ZNF804B: variants seen among roughly 807,000 people sequenced by gnomAD.
The protein encoded by ZNF804B is zinc finger 804B.
ZNF804B carries 80 observed loss-of-function variants against 101.4 expected under a neutral mutation model. The ratio of observed to expected loss-of-function variants is 0.79; its 90% CI spans 0.66 to 0.95. ZNF804B has a LOEUF of 0.95. Among genes scored for constraint, ZNF804B ranks in the 40% least tolerant of loss-of-function variants. The pLI is 0.00. For synonymous variants in ZNF804B, 622 were observed against 558.8 expected (o/e 1.11, Z -1.59); for missense variants, 1,673 against 1,561.9 (o/e 1.07, Z -1.20).
intron 1 of ZNF804B, among the ~76,000 whole-genome samples, chr7:89,152,876 G>C (rs1790900453): frequency 1.3e-5 from 2 of 152,054 alleles, no homozygotes; most frequent in African/African-American, 4.8e-5. Context: ...GCTAGGGTCT[G>C]CTTGAGATCC....
intron 1 of ZNF804B, among the ~76,000 whole-genome samples, chr7:89,129,511 T>C (rs538752318): frequency 6.6e-6 from 1 of 151,992 alleles, no homozygotes; most frequent in Admixed American, 6.6e-5. Flanking sequence ...CTCCTCTCTT[T>C]CTAGCTGGAC....
At chr7:88,884,549 G>A (rs1036504313) in intron 1 of ZNF804B, among the ~76,000 whole-genome samples, 1 of 151,572 alleles carries the variant, frequency 6.6e-6, no homozygotes, top group African/African-American at 2.4e-5. Flanking sequence ...CTCCTCCAGT[G>A]GTTTCCTATT....
chr7:89,223,964 T>C (rs1197619701), intron 2 of ZNF804B, among the ~76,000 whole-genome samples: 1 of 151,986 alleles, frequency 6.6e-6, no homozygotes, highest in Non-Finnish European at 1.5e-5. Flanking sequence ...ACTGTAACTA[T>C]TAATATAGGT....
chr7:89,174,905 G>C (rs1016588398), intron 1 of ZNF804B, among the ~76,000 whole-genome samples: 2 of 151,968 alleles, frequency 1.3e-5, no homozygotes, highest in Admixed American at 6.6e-5. Flanking sequence ...TTTGAGAAAT[G>C]TCTATTCAGA....
At chr7:89,310,925 A>G (rs1230968927) in intron 2 of ZNF804B, among the ~76,000 whole-genome samples, 3 of 152,116 alleles carry the variant, frequency 2.0e-5, no homozygotes, top group Non-Finnish European at 4.4e-5. Flanking sequence ...CAGGAACCAC[A>G]CAATCTTCTG....
At chr7:89,120,043 A>G (rs528953494) in intron 1 of ZNF804B, among the ~76,000 whole-genome samples, 2 of 152,182 alleles carry the variant, frequency 1.3e-5, no homozygotes, top group Admixed American at 6.5e-5. Context: ...GAAGCACAGA[A>G]GAGATCTCAC....
chr7:88,982,212 C>G (rs1279341850), intron 1 of ZNF804B, among the ~76,000 whole-genome samples: 1 of 151,956 alleles, frequency 6.6e-6, no homozygotes, highest in African/African-American at 2.4e-5. Flanking sequence ...CTTCTATACT[C>G]TATTGAATGC....
chr7:88,995,310 G>A (rs1396977641), intron 1 of ZNF804B, among the ~76,000 whole-genome samples: 1 of 151,950 alleles, frequency 6.6e-6, no homozygotes, highest in Non-Finnish European at 1.5e-5. Context: ...TGAAACTTAA[G>A]TGATAAACAA....
chr7:89,098,601 A>G (rs1482758378), intron 1 of ZNF804B, among the ~76,000 whole-genome samples: 1 of 152,054 alleles, frequency 6.6e-6, no homozygotes. Flanking sequence ...GAAGAAACTG[A>G]GATGAGGAGT....
intron 1 of ZNF804B, among the ~76,000 whole-genome samples, chr7:88,797,513 T>A (rs1309124859): frequency 6.6e-6 from 1 of 152,170 alleles, no homozygotes; most frequent in African/African-American, 2.4e-5. Flanking sequence ...TGGTATTTAT[T>A]TCCAATTTCC....
chr7:88,992,648 T>C (rs1370632678), intron 1 of ZNF804B, among the ~76,000 whole-genome samples: 2 of 152,124 alleles, frequency 1.3e-5, no homozygotes, highest in Admixed American at 1.3e-4. Context: ...GCCTTTTCAT[T>C]AACTCAAAGT....
At chr7:89,217,969 A>G (rs908580002) in intron 1 of ZNF804B, among the ~76,000 whole-genome samples, 186 bp from the exon 2 acceptor site, 1 of 152,188 alleles carries the variant, frequency 6.6e-6, no homozygotes, top group Non-Finnish European at 1.5e-5. Context: ...TTTAGAAATC[A>G]TGATATGTCA....
At chr7:88,997,844 T>C (rs1788224071) in intron 1 of ZNF804B, among the ~76,000 whole-genome samples, 1 of 152,134 alleles carries the variant, frequency 6.6e-6, no homozygotes, top group African/African-American at 2.4e-5. Context: ...TGAAATGCCA[T>C]TTTGCCATTA....
In ZNF804B at chr7:88,900,186, T is replaced by A. The variant is rs375675191; in HGVS notation, c.108+140102T>A. ...ACAGATTTAGAATTTTGTAAATTCATATGATACAGCAATAAGATTGTGAAT... is the reference window on the plus strand; with the variant it reads ...ACAGATTTAGAATTTTGTAAATTCAAATGATACAGCAATAAGATTGTGAAT... On this transcript the variant is annotated intron_variant, in intron 1 of 3. Transcript: ENST00000333190. Among the ~76,000 whole-genome samples, 98 of 152,256 alleles carry A rather than the reference T, an allele frequency of 6.4e-4. 1 individual carries two copies. The highest frequency in any genetic ancestry group is 1.9e-3 in the African/African-American group (78 of 41,588).
chr7:89,215,363 A>C (rs942246644), intron 1 of ZNF804B, among the ~76,000 whole-genome samples: 1 of 152,204 alleles, frequency 6.6e-6, no homozygotes, highest in African/African-American at 2.4e-5. Context: ...GAATGTTTAG[A>C]TGAAGGTAAA....
At chr7:89,205,985 C>G (rs1054325425) in intron 1 of ZNF804B, among the ~76,000 whole-genome samples, 5 of 152,190 alleles carry the variant, frequency 3.3e-5, no homozygotes, top group Non-Finnish European at 5.9e-5. Flanking sequence ...CGGAGGTTCC[C>G]AAATCTCAAT....
intron 2 of ZNF804B, among the ~76,000 whole-genome samples, chr7:89,237,092 A>C (rs898400860): frequency 3.9e-5 from 6 of 152,154 alleles, no homozygotes; most frequent in African/African-American, 1.4e-4. Flanking sequence ...ATAATAACAC[A>C]TATCTCACCC....
intron 1 of ZNF804B, among the ~76,000 whole-genome samples, chr7:88,914,157 A>G (rs1792596094): frequency 6.6e-6 from 1 of 152,162 alleles, no homozygotes; most frequent in African/African-American, 2.4e-5. Flanking sequence ...TTCACCTTCA[A>G]ACTCAGCACG....
intron 1 of ZNF804B, among the ~76,000 whole-genome samples, chr7:89,018,281 A>T (rs1190344754): frequency 6.6e-6 from 1 of 151,370 alleles, no homozygotes; most frequent in East Asian, 1.9e-4. Flanking sequence ...ATATGATTTT[A>T]CTCTTTTATT....
Sources: allele counts gnomAD v4.1 joint callset (sites outside exome capture counted in the v4.1 genomes callset), GRCh38; gene constraint gnomAD v4.1.1; transcripts MANE v1.5; gene names NCBI Gene and HGNC (gene_info 2026-07-23, HGNC 2026-07-21).